CNTNAP2: variants seen among roughly 807,000 people sequenced by gnomAD.
CNTNAP2 encodes the protein contactin-associated protein-like 2.
Under a neutral mutation model 155.2 loss-of-function variants are expected in CNTNAP2, and 98 were observed. The ratio of observed to expected loss-of-function variants is 0.63; its 90% confidence interval spans 0.54 to 0.75. The LOEUF is 0.75. CNTNAP2 is among the 30% of genes least tolerant of loss of function. The pLI, the probability that CNTNAP2 is intolerant of heterozygous loss-of-function variation, is 0.00. For synonymous variants in CNTNAP2, 651 were observed against 631.2 expected (o/e 1.03, Z -0.47); for missense variants, 1,727 against 1,688.1 (o/e 1.02, Z -0.40).
At chr7:146,834,971 G>A (rs558325638) in intron 2 of CNTNAP2, among the ~76,000 whole-genome samples, 99 of 152,148 alleles carry the variant, frequency 6.5e-4, no homozygotes, top group African/African-American at 2.2e-3. Context: ...ACTTTTCATC[G>A]ATCTTTCCAC....
intron 1 of CNTNAP2, among the ~76,000 whole-genome samples, chr7:146,515,899 T>G (rs1313740242): frequency 6.6e-6 from 1 of 152,070 alleles, no homozygotes; most frequent in Admixed American, 6.6e-5. Flanking sequence ...TCATTAATCA[T>G]TATAGATTCC....
chr7:147,286,970 C>A (rs573583584), intron 8 of CNTNAP2, among the ~76,000 whole-genome samples: 1 of 152,048 alleles, frequency 6.6e-6, no homozygotes, highest in East Asian at 1.9e-4. Context: ...ACTGGCCACT[C>A]TCTCAGTAAT....
chr7:147,479,004 A>C (rs931685271), intron 10 of CNTNAP2, among the ~76,000 whole-genome samples: 1 of 152,210 alleles, frequency 6.6e-6, no homozygotes, highest in Non-Finnish European at 1.5e-5. Flanking sequence ...ACAGGAAGAA[A>C]GGGGAAAGGG....
chr7:148,362,532 G>A (rs1798645056), intron 21 of CNTNAP2, among the ~76,000 whole-genome samples: 1 of 152,162 alleles, frequency 6.6e-6, no homozygotes, highest in Non-Finnish European at 1.5e-5. Flanking sequence ...TGGCGCTGAG[G>A]TGCTGAGGTT....
intron 13 of CNTNAP2, chr7:147,704,563 C>A (rs2117008329): frequency 6.2e-6 from 1 of 161,550 alleles, no homozygotes. Flanking sequence ...GTCACTGGTC[C>A]CAAACCATTA....
At chr7:147,163,916 G>C (rs989542094) in intron 8 of CNTNAP2, among the ~76,000 whole-genome samples, 3 of 152,122 alleles carry the variant, frequency 2.0e-5, no homozygotes, top group Non-Finnish European at 4.4e-5. Flanking sequence ...AAAAAAATGA[G>C]ATTCATTCGA....
intron 13 of CNTNAP2, among the ~76,000 whole-genome samples, chr7:147,775,254 TTTATAA>T (rs1797545362): frequency 8.7e-6 from 1 of 115,208 alleles, no homozygotes; most frequent in African/African-American, 3.4e-5. Context: ...TATATATATA[TTTATAA>T]ATATATTTAT....
chr7:147,336,635 G>C (rs766992634), intron 9 of CNTNAP2, among the ~76,000 whole-genome samples: 1 of 152,136 alleles, frequency 6.6e-6, no homozygotes, highest in Non-Finnish European at 1.5e-5. Context: ...TTGGGGAGAT[G>C]AAATCTTGCT....
intron 3 of CNTNAP2, among the ~76,000 whole-genome samples, chr7:147,027,939 C>T (rs1242455089): frequency 6.6e-6 from 1 of 152,150 alleles, no homozygotes; most frequent in Non-Finnish European, 1.5e-5. Context: ...ATTTTGTTAA[C>T]ATCTTGTAGC....
At chr7:148,031,163 G>T (rs547102439) in intron 15 of CNTNAP2, among the ~76,000 whole-genome samples, 1 of 152,134 alleles carries the variant, frequency 6.6e-6, no homozygotes, top group Non-Finnish European at 1.5e-5. Context: ...CTTCCACAGA[G>T]ACTGAGAGAC....
chr7:148,196,695 C>G (rs1183483828), intron 18 of CNTNAP2, among the ~76,000 whole-genome samples: 2 of 152,242 alleles, frequency 1.3e-5, no homozygotes. Flanking sequence ...TGACCCATCT[C>G]TTTGGCAGAG....
chr7:148,097,119 G>A (rs939000118), intron 15 of CNTNAP2, among the ~76,000 whole-genome samples: 1 of 152,010 alleles, frequency 6.6e-6, no homozygotes, highest in Admixed American at 6.6e-5. Context: ...CAGTTCATAT[G>A]GGAAAACCGA....
chr7:146,407,079 A>G (rs1563072673), intron 1 of CNTNAP2, among the ~76,000 whole-genome samples: 1 of 152,190 alleles, frequency 6.6e-6, no homozygotes, highest in Non-Finnish European at 1.5e-5. Context: ...ACGGCAGAGG[A>G]CATCAGTAAT....
chr7:147,159,822 A>G lies in CNTNAP2; in HGVS notation c.1348+27313A>G, dbSNP rs541008466. ...AACTCACAATATGTGAGGAGGGCAT[A>G]TCACTGCCTCCGAAACTGATAAATC... On this transcript the variant is annotated intron_variant, in intron 8 of 23. Coordinates refer to ENST00000361727, the MANE Select transcript of CNTNAP2 (RefSeq NM_014141.6). Among the ~76,000 whole-genome samples, 5 of 152,300 alleles carry G rather than the reference A, an allele frequency of 3.3e-5. No homozygotes were observed. In the South Asian group the frequency reaches 1.0e-3, roughly 32 times the overall value.
chr7:146,623,284 C>A (rs571123626), intron 1 of CNTNAP2, among the ~76,000 whole-genome samples: 2 of 152,180 alleles, frequency 1.3e-5, no homozygotes, highest in East Asian at 1.9e-4. Flanking sequence ...TTCCTGCATA[C>A]GTTTTAAAGC....
intron 10 of CNTNAP2, among the ~76,000 whole-genome samples, chr7:147,423,516 A>G (rs116048693): frequency 0.014 from 2,206 of 152,196 alleles, 55 homozygotes; most frequent in African/African-American, 0.05. Context: ...CCTCCTCTCT[A>G]TGGAAATGTA....
At chr7:147,879,978 G>T (rs974238037) in intron 13 of CNTNAP2, among the ~76,000 whole-genome samples, 1 of 152,214 alleles carries the variant, frequency 6.6e-6, no homozygotes, top group African/African-American at 2.4e-5. Flanking sequence ...TTCAAACACA[G>T]TGTGGAAAAA....
intron 8 of CNTNAP2, among the ~76,000 whole-genome samples, chr7:147,242,223 C>T (rs902617322): frequency 5.3e-5 from 8 of 152,082 alleles, no homozygotes; most frequent in African/African-American, 1.9e-4. Context: ...AAAAGAATTC[C>T]AAAATGCTTA....
Position 146,766,564 on chromosome 7 carries a change from C to A in CNTNAP2, c.98-7707C>A, listed in dbSNP as rs1802198420. On this transcript the variant is annotated intron_variant, in intron 1 of 23. Coordinates refer to ENST00000361727, the MANE Select transcript of CNTNAP2 (RefSeq NM_014141.6). ...AAAGCACAGGCCTTAGAATCAGGTA[C>A]AATTTGGCCTTTGTCCTGACTTTAA... Among the ~76,000 whole-genome samples, 5 of 152,274 alleles carry A rather than the reference C, an allele frequency of 3.3e-5. 1 individual carries two copies. In the South Asian group the frequency reaches 1.0e-3, roughly 32 times the overall value.
Sources: gnomAD v4.1 joint callset for allele counts (sites outside exome capture counted in the v4.1 genomes callset) on GRCh38, gnomAD v4.1.1 for gene constraint, MANE v1.5 for transcripts, NCBI Gene and HGNC (gene_info 2026-07-23, HGNC 2026-07-21) for gene names.